SPDYE10: variants seen among roughly 807,000 people sequenced by gnomAD.
SPDYE10 encodes the protein speedy/RINGO cell cycle regulator family member E10, also known as speedy protein E10.
the SPDYE10 span, among the ~76,000 whole-genome samples, chr7:73,137,675 G>A: frequency 7.2e-5 from 6 of 82,772 alleles, no homozygotes; most frequent in East Asian, 3.7e-4. Context: ...AAAGAAAGAG[G>A]AGGGGAGGGG....
chr7:73,110,353 CTTTA>C, the SPDYE10 span, among the ~76,000 whole-genome samples: 2 of 112,532 alleles, frequency 1.8e-5, no homozygotes, highest in African/African-American at 3.1e-5. Flanking sequence ...TTTTGTTTTT[CTTTA>C]TTTGATTTTT....
chr7:73,134,726 G>T, the SPDYE10 span, among the ~76,000 whole-genome samples: 1 of 152,254 alleles, frequency 6.6e-6, no homozygotes, highest in Non-Finnish European at 1.5e-5. Context: ...GCCAGGCTTG[G>T]TGGCATGCAC....
At chr7:73,139,633 T>TTTTG in the SPDYE10 span, among the ~76,000 whole-genome samples, 2 of 151,020 alleles carry the variant, frequency 1.3e-5, no homozygotes, top group South Asian at 2.1e-4. Flanking sequence ...CTTTTTTTGT[T>TTTTG]TTTGTTTGTT....
chr7:73,134,467 A>C, the SPDYE10 span, among the ~76,000 whole-genome samples: 3 of 150,230 alleles, frequency 2.0e-5, no homozygotes, highest in Admixed American at 2.0e-4. Context: ...ACATGTATAC[A>C]TATGTAACAA....
chr7:73,131,164 C>T, the SPDYE10 span, among the ~76,000 whole-genome samples: 1 of 129,098 alleles, frequency 7.7e-6, no homozygotes, highest in Non-Finnish European at 1.6e-5. Context: ...TGCACCACCG[C>T]ACCTCCAACC....
the SPDYE10 span, among the ~76,000 whole-genome samples, chr7:73,139,658 GT>G: frequency 2.1e-3 from 309 of 147,196 alleles, 1 homozygote; most frequent in African/African-American, 6.6e-3. Flanking sequence ...TGTTTTTTGT[GT>G]TTTTTTTTTT....
the SPDYE10 span, among the ~76,000 whole-genome samples, chr7:73,134,537 A>AAGAAAGAAAGAAAGAAAAAGAAAG: frequency 2.9e-5 from 4 of 139,530 alleles, no homozygotes; most frequent in African/African-American, 1.1e-4. Context: ...GAAAGAAAGA[A>AAGAAAGAAAGAAAGAAAAAGAAAG]AAAGAAAGAA....
the SPDYE10 span, among the ~76,000 whole-genome samples, chr7:73,113,755 G>A: frequency 6.6e-6 from 1 of 152,024 alleles, no homozygotes; most frequent in Non-Finnish European, 1.5e-5. Context: ...ATTAGACGGG[G>A]CCAGGTGCCA....
chr7:73,130,283 A>G, the SPDYE10 span, among the ~76,000 whole-genome samples: 12 of 151,486 alleles, frequency 7.9e-5, no homozygotes, highest in East Asian at 1.9e-4. Context: ...TTGAAACCCT[A>G]TCTCTATTAT....
the SPDYE10 span, among the ~76,000 whole-genome samples, chr7:73,140,912 C>T: frequency 6.7e-6 from 1 of 150,326 alleles, no homozygotes; most frequent in Non-Finnish European, 1.5e-5. Context: ...TGAGCCACCT[C>T]ACCTGGCCAG....
the SPDYE10 span, among the ~76,000 whole-genome samples, chr7:73,142,980 GAGGAAGGAAGGAAGGAAGGA>G: frequency 9.6e-5 from 9 of 93,732 alleles, no homozygotes; most frequent in South Asian, 8.4e-4. Flanking sequence ...GGGAGGGAGG[GAGGAAGGAAGGAAGGAAGGA>G]AGGAAGGAAG....
the SPDYE10 span, among the ~76,000 whole-genome samples, chr7:73,126,506 C>CAAAA: frequency 2.4e-3 from 115 of 47,622 alleles, no homozygotes; most frequent in Non-Finnish European, 3.1e-3. Context: ...GACTCCATCT[C>CAAAA]AAAAAAAAAA....
the SPDYE10 span, chr7:73,109,818 GAAC>G: frequency 7.7e-6 from 1 of 129,096 alleles, no homozygotes; most frequent in African/African-American, 8.9e-5. Flanking sequence ...GTTACATAGA[GAAC>G]AACCTTACCT....
chr7:73,155,110 G>A, the SPDYE10 span: 1 of 139,590 alleles, frequency 7.2e-6, no homozygotes, highest in African/African-American at 2.7e-5. Flanking sequence ...CGCCCCCCGC[G>A]CCCGGCGCCG....
chr7:73,135,267 C>A, the SPDYE10 span, among the ~76,000 whole-genome samples: 1 of 151,808 alleles, frequency 6.6e-6, no homozygotes, highest in Non-Finnish European at 1.5e-5. Context: ...AACAATGTAC[C>A]CACGGGCACC....
At chr7:73,154,901 G>C in the SPDYE10 span, 1 of 155,138 alleles carries the variant, frequency 6.4e-6, no homozygotes, top group South Asian at 1.5e-4. Flanking sequence ...CGCATGCGCA[G>C]CGGGGACCGG....
the SPDYE10 span, among the ~76,000 whole-genome samples, chr7:73,138,297 T>TG: frequency 2.6e-5 from 4 of 151,688 alleles, no homozygotes; most frequent in Non-Finnish European, 5.9e-5. Context: ...ATGCGATGAA[T>TG]GACAGGTCAG....
the SPDYE10 span, among the ~76,000 whole-genome samples, chr7:73,150,895 C>CAAAAAA: frequency 0.012 from 15 of 1,212 alleles, 5 homozygotes; most frequent in Non-Finnish European, 0.012. Context: ...GACCCTGTCT[C>CAAAAAA]AAAAAAAAAA....
the SPDYE10 span, among the ~76,000 whole-genome samples, chr7:73,123,557 C>T: frequency 6.6e-6 from 1 of 152,214 alleles, no homozygotes; most frequent in Non-Finnish European, 1.5e-5. Flanking sequence ...ACCTCCGCCT[C>T]CCAGATTCAA....
Sources: allele counts gnomAD v4.1 joint callset (sites outside exome capture counted in the v4.1 genomes callset), GRCh38; gene constraint gnomAD v4.1.1; transcripts MANE v1.5; gene names NCBI Gene and HGNC (gene_info 2026-07-23, HGNC 2026-07-21).